The following MAML3 variants were observed in gnomAD, a reference collection of about 807,000 sequenced individuals.
MAML3 encodes the protein mastermind-like protein 3.
In MAML3, 27 loss-of-function variants were observed where a neutral mutation model predicts 101.9. The observed-to-expected ratio is 0.27, with a 90% CI of 0.20 to 0.37. The LOEUF (loss-of-function observed/expected upper bound fraction) is 0.37. Ranked by LOEUF, MAML3 falls within the 10% of genes least tolerant of loss-of-function variation. The probability of loss-of-function intolerance (pLI) is 1.00; values close to 1 mark genes in which losing one functional copy is unlikely to be tolerated. For missense variants in MAML3, 1,316 were observed against 1,444.9 expected (o/e 0.91, Z 1.45); for synonymous variants, 501 against 555.9 (o/e 0.90, Z 1.39).
intron 1 of MAML3, among the ~76,000 whole-genome samples, chr4:140,148,190 T>G (rs770838825): frequency 6.6e-6 from 1 of 152,184 alleles, no homozygotes; most frequent in African/African-American, 2.4e-5. Flanking sequence ...CCCTTATAAT[T>G]CTAATGAGAC....
chr4:139,814,213 T>A (rs978192191), intron 2 of MAML3, among the ~76,000 whole-genome samples: 1 of 152,110 alleles, frequency 6.6e-6, no homozygotes, highest in African/African-American at 2.4e-5. Flanking sequence ...AATCAAGAGA[T>A]AACTGCAGAA....
chr4:139,982,955 C>T (rs752885433), intron 1 of MAML3, among the ~76,000 whole-genome samples: 1 of 152,134 alleles, frequency 6.6e-6, no homozygotes, highest in African/African-American at 2.4e-5. Context: ...ACTGCTTTTG[C>T]CTTCAGTTTT....
At chr4:140,053,257 A>C (rs1023226393) in intron 1 of MAML3, among the ~76,000 whole-genome samples, 6 of 152,040 alleles carry the variant, frequency 3.9e-5, no homozygotes, top group African/African-American at 1.5e-4. Context: ...TCTTCATGGC[A>C]GCAGCATTCT....
intron 2 of MAML3, among the ~76,000 whole-genome samples, chr4:139,829,435 T>G (rs1260998906): frequency 3.9e-5 from 6 of 152,084 alleles, no homozygotes; most frequent in Non-Finnish European, 5.9e-5. Flanking sequence ...TTTGAGGAAC[T>G]GGCGTGGTAA....
At chr4:140,037,766 C>T (rs543076591) in intron 1 of MAML3, among the ~76,000 whole-genome samples, 26 of 152,328 alleles carry the variant, frequency 1.7e-4, no homozygotes, top group South Asian at 8.3e-4. Flanking sequence ...TGTATTTCAA[C>T]GCATGTTAAA....
intron 1 of MAML3, among the ~76,000 whole-genome samples, chr4:140,089,332 A>AC (rs1248039581): frequency 7.9e-5 from 12 of 152,054 alleles, no homozygotes; most frequent in Non-Finnish European, 1.6e-4. Context: ...AAGAATGGAA[A>AC]CCCCCCCTTG....
chr4:139,894,511 A>AAAAGAAAGAAAGAAAGAAAGAAAG (rs58209239), intron 1 of MAML3, among the ~76,000 whole-genome samples: 4 of 136,474 alleles, frequency 2.9e-5, no homozygotes, highest in African/African-American at 8.4e-5. Flanking sequence ...TCCATCTTAA[A>AAAAGAAAGAAAGAAAGAAAGAAAG]AAAGAAAGAA....
chr4:139,768,965 G>A (rs1578591592), intron 2 of MAML3, among the ~76,000 whole-genome samples: 1 of 152,130 alleles, frequency 6.6e-6, no homozygotes, highest in South Asian at 2.1e-4. Context: ...ATGACTCTAC[G>A]GGAATGGGGA....
At chr4:140,151,354 T>C (rs1729163559) in intron 1 of MAML3, among the ~76,000 whole-genome samples, 1 of 150,574 alleles carries the variant, frequency 6.6e-6, no homozygotes, top group African/African-American at 2.5e-5. Context: ...AAGCCCAAGA[T>C]AAACAAATTG....
At chr4:140,093,813 C>T (rs1431758441) in intron 1 of MAML3, among the ~76,000 whole-genome samples, 1 of 152,156 alleles carries the variant, frequency 6.6e-6, no homozygotes, top group Non-Finnish European at 1.5e-5. Flanking sequence ...GCTTTTCTCC[C>T]AGAAGGTTGA....
intron 2 of MAML3, among the ~76,000 whole-genome samples, chr4:139,832,343 C>T (rs1213742541): frequency 6.7e-6 from 1 of 149,484 alleles, no homozygotes; most frequent in Non-Finnish European, 1.5e-5. Context: ...AAGTCCTGAC[C>T]TCAGGTGATC....
At chr4:139,834,822 G>T (rs535516840) in intron 2 of MAML3, among the ~76,000 whole-genome samples, 47 of 152,292 alleles carry the variant, frequency 3.1e-4, no homozygotes, top group Non-Finnish European at 6.0e-4. Context: ...ATCAAAGGGT[G>T]ACTACCCCTT....
intron 2 of MAML3, among the ~76,000 whole-genome samples, chr4:139,866,256 C>T (rs1318101027): frequency 1.3e-5 from 2 of 152,212 alleles, no homozygotes; most frequent in Admixed American, 1.3e-4. Flanking sequence ...GCCTGTGGTA[C>T]ATCTGCACTC....
intron 1 of MAML3, among the ~76,000 whole-genome samples, chr4:140,146,429 T>C (rs1729066297): frequency 6.6e-6 from 1 of 152,238 alleles, no homozygotes; most frequent in South Asian, 2.1e-4. Context: ...GTATTTATTA[T>C]ACAGCAGGCC....
At chr4:140,043,349 A>G (rs958875762) in intron 1 of MAML3, among the ~76,000 whole-genome samples, 15 of 152,224 alleles carry the variant, frequency 9.9e-5, no homozygotes, top group African/African-American at 2.9e-4. Flanking sequence ...CTGTTTTCCT[A>G]TATTTGAAGA....
intron 1 of MAML3, among the ~76,000 whole-genome samples, chr4:140,115,640 C>G (rs1466268467): frequency 6.6e-6 from 1 of 152,060 alleles, no homozygotes; most frequent in Non-Finnish European, 1.5e-5. Context: ...TTTGGTGACT[C>G]TGGACACATA....
chr4:139,893,608 A>T (rs1732546567), intron 1 of MAML3, among the ~76,000 whole-genome samples: 1 of 152,188 alleles, frequency 6.6e-6, no homozygotes, highest in Non-Finnish European at 1.5e-5. Flanking sequence ...AAGAGTTTGA[A>T]TCTGAGCAGG....
intron 2 of MAML3, among the ~76,000 whole-genome samples, chr4:139,764,795 GTCCACAT>G (rs1339321260): frequency 6.6e-6 from 1 of 152,210 alleles, no homozygotes; most frequent in Non-Finnish European, 1.5e-5. Flanking sequence ...TACAAGCACT[GTCCACAT>G]CCCACTGAGA....
chr4:139,997,147 TAC>T (rs568159629), intron 1 of MAML3, among the ~76,000 whole-genome samples: 2 of 150,266 alleles, frequency 1.3e-5, no homozygotes, highest in African/African-American at 2.4e-5. Flanking sequence ...TATATATATA[TAC>T]ACACACATTA....
Sources: allele counts gnomAD v4.1 joint callset (sites outside exome capture counted in the v4.1 genomes callset), GRCh38; gene constraint gnomAD v4.1.1; transcripts MANE v1.5; gene names NCBI Gene and HGNC (gene_info 2026-07-23, HGNC 2026-07-21).